PTPN2: variants seen among roughly 807,000 people sequenced by gnomAD.
PTPN2 encodes the protein tyrosine-protein phosphatase non-receptor type 2.
Under a neutral mutation model 57.3 loss-of-function variants are expected in PTPN2, and 19 were observed. The observed-to-expected ratio is 0.33, with a 90% CI of 0.23 to 0.49. The LOEUF (loss-of-function observed/expected upper bound fraction) is 0.49. Among genes scored for constraint, PTPN2 ranks in the 20% least tolerant of loss-of-function variants. PTPN2 has a pLI of 0.99. For missense variants in PTPN2, 358 were observed against 501.1 expected, an observed-to-expected ratio of 0.71 and a Z score of 2.73; for synonymous variants, 153 against 164.9, an observed-to-expected ratio of 0.93 and a Z score of 0.55.
At chr18:12,863,309 A>T (rs2043878196) in intron 1 of PTPN2, 1 of 152,070 alleles carries the variant, frequency 6.6e-6, no homozygotes, top group Non-Finnish European at 1.5e-5. Context: ...AATTTTTTTA[A>T]TTAGCTGGGG....
intron 2 of PTPN2, among the ~76,000 whole-genome samples, chr18:12,854,368 A>AG (rs958157397): frequency 1.3e-5 from 2 of 151,454 alleles, no homozygotes; most frequent in Non-Finnish European, 2.9e-5. Flanking sequence ...TTGAAAAAAA[A>AG]AAAAAAAGAA....
chr18:12,817,458 AAGCCATAT>A, intron 5 of PTPN2, 93 bp from the exon 6 acceptor site: 1 of 935,882 alleles, frequency 1.1e-6, no homozygotes. Context: ...TAATTCTTTA[AAGCCATAT>A]AGGCTGTTTA....
chr18:12,836,490 A>C (rs571744321), intron 3 of PTPN2, among the ~76,000 whole-genome samples: 1 of 152,376 alleles, frequency 6.6e-6, no homozygotes, highest in Non-Finnish European at 1.5e-5. Flanking sequence ...ACTAAGAAGC[A>C]TAAGCAGCAC....
At chr18:12,854,372 A>AAAG (rs1555675748) in intron 2 of PTPN2, among the ~76,000 whole-genome samples, 4 of 149,840 alleles carry the variant, frequency 2.7e-5, no homozygotes, top group East Asian at 2.0e-4. Context: ...AAAAAAAAAA[A>AAAG]AAAGAAAAAA....
Position 12,793,503 on chromosome 18 carries a change from AT to A in PTPN2, c.*774del. ...TTACCTGACTATCCCAGTAAGGAGA[AT>A]TTTCCTTCAAAGATATTTTTAGGAA... On this transcript the variant is annotated 3_prime_UTR_variant, in exon 9 of 9. Coordinates refer to ENST00000309660, the MANE Select transcript of PTPN2 (RefSeq NM_002828.4). 1 of 980,322 alleles carries A rather than the reference AT, an allele frequency of 1.0e-6. No individual in the cohort carries two copies. Among genetic ancestry groups the A allele is most frequent in the Middle Eastern group, 5.3e-4 (1 of 1,904 alleles). 60.7% of individuals were successfully genotyped at this position (980,322 alleles called of 1,614,324 possible). A position where few individuals can be genotyped will look rare whatever the true frequency, so the allele number is the denominator to read the frequency against.
intron 5 of PTPN2, among the ~76,000 whole-genome samples, chr18:12,819,828 A>G (rs2042212598): frequency 6.8e-6 from 1 of 148,040 alleles, no homozygotes; most frequent in African/African-American, 2.5e-5. Flanking sequence ...GGTGGGGGGG[A>G]TACAGTTAAC....
intron 2 of PTPN2, among the ~76,000 whole-genome samples, chr18:12,846,237 A>AG (rs2145428976): frequency 6.6e-6 from 1 of 152,262 alleles, no homozygotes; most frequent in Non-Finnish European, 1.5e-5. Context: ...TCCAGTGTAG[A>AG]GGTACTATTC....
At chr18:12,805,630 GCCT>G (rs957069810) in intron 7 of PTPN2, among the ~76,000 whole-genome samples, 1 of 145,872 alleles carries the variant, frequency 6.9e-6, no homozygotes, top group Non-Finnish European at 1.5e-5. Context: ...AGACAAAGAT[GCCT>G]CCTTTCTTTT....
At chr18:12,874,469 G>A (rs1411749712) in intron 1 of PTPN2, among the ~76,000 whole-genome samples, 5 of 131,854 alleles carry the variant, frequency 3.8e-5, no homozygotes, top group African/African-American at 1.2e-4. Flanking sequence ...GCCTCTGCCC[G>A]GCCGCCCCTA....
At chr18:12,872,067 C>CA (rs1335803838) in intron 1 of PTPN2, among the ~76,000 whole-genome samples, 32 of 149,832 alleles carry the variant, frequency 2.1e-4, no homozygotes, top group Non-Finnish European at 3.9e-4. Context: ...AACAAAAAAA[C>CA]AAAAAAACAA....
intron 8 of PTPN2, among the ~76,000 whole-genome samples, chr18:12,798,719 C>T (rs1009529048): frequency 2.0e-5 from 3 of 152,158 alleles, no homozygotes; most frequent in African/African-American, 4.8e-5. Flanking sequence ...TCAACATACG[C>T]GTGTGTTTAC....
At chr18:12,873,566 A>C (rs2044351197) in intron 1 of PTPN2, among the ~76,000 whole-genome samples, 2 of 152,240 alleles carry the variant, frequency 1.3e-5, no homozygotes, top group Non-Finnish European at 2.9e-5. Flanking sequence ...CCGGGATTGC[A>C]GACGGTGTCT....
In PTPN2 at chr18:12,785,705, T is replaced by C. The variant is rs45460196; in HGVS notation, c.*118A>G. The C allele has an allele frequency of 2.6e-3, 2,291 of 889,070 alleles. 47 individuals are homozygous for C. The highest frequency in any genetic ancestry group is 0.02 in the South Asian group (1,399 of 70,422). 55.1% of individuals were successfully genotyped at this position (889,070 alleles called of 1,614,324 possible). ...AGTTTACTTTGTAAACAAACAACTG[T>C]GAGGCAATCTAGAGGGTTAGCGAGC... On this transcript the variant is annotated 3_prime_UTR_variant, in exon 10 of 10. Transcript: ENST00000327283.
intron 1 of PTPN2, among the ~76,000 whole-genome samples, chr18:12,865,783 C>T (rs1164537950): frequency 2.6e-5 from 4 of 151,700 alleles, no homozygotes; most frequent in Non-Finnish European, 4.4e-5. Context: ...GCCGAGATAA[C>T]GCCACTGCAC....
intron 8 of PTPN2, among the ~76,000 whole-genome samples, chr18:12,797,346 C>T (rs567201445): frequency 1.3e-5 from 2 of 152,058 alleles, no homozygotes; most frequent in East Asian, 3.9e-4. Context: ...ATTTACCATA[C>T]AAGCCCAATA....
intron 8 of PTPN2, among the ~76,000 whole-genome samples, chr18:12,800,035 A>G (rs1322517092): frequency 6.6e-6 from 1 of 152,126 alleles, no homozygotes; most frequent in East Asian, 1.9e-4. Flanking sequence ...CACCAGTCTC[A>G]TTTATCAGAC....
chr18:12,843,186 G>A (rs1246424319), intron 2 of PTPN2, among the ~76,000 whole-genome samples: 1 of 152,082 alleles, frequency 6.6e-6, no homozygotes, highest in Non-Finnish European at 1.5e-5. Context: ...ACTACTACTT[G>A]AGAAACACTA....
chr18:12,785,773 C>T (rs760076384), exon 10 of PTPN2: 8 of 1,574,936 alleles, frequency 5.1e-6, no homozygotes, highest in South Asian at 3.3e-5. Flanking sequence ...TTGCTTTGCA[C>T]ATCAATGGTT....
chr18:12,854,793 G>A (rs2043526920), intron 2 of PTPN2, among the ~76,000 whole-genome samples: 1 of 152,136 alleles, frequency 6.6e-6, no homozygotes, highest in Non-Finnish European at 1.5e-5. Context: ...AAGTGAGGAG[G>A]AGACACCCTG....
Sources: gnomAD v4.1 joint callset for allele counts (sites outside exome capture counted in the v4.1 genomes callset) on GRCh38, gnomAD v4.1.1 for gene constraint, MANE v1.5 for transcripts, NCBI Gene and HGNC (gene_info 2026-07-23, HGNC 2026-07-21) for gene names.